The following ATP2B1 variants were observed in gnomAD, a reference collection of about 807,000 sequenced individuals.
ATP2B1 encodes the protein plasma membrane calcium-transporting ATPase 1.
A neutral mutation model predicts 124.2 loss-of-function variants in ATP2B1; 14 were observed. The ratio of observed to expected loss-of-function variants is 0.11; its 90% CI spans 0.07 to 0.18. ATP2B1 has a LOEUF of 0.18. Ranked by LOEUF, ATP2B1 falls within the 10% of genes least tolerant of loss-of-function variation. The probability of loss-of-function intolerance (pLI) is 1.00; values close to 1 mark genes in which losing one functional copy is unlikely to be tolerated. For missense variants in ATP2B1, 763 were observed against 1,466.1 expected (o/e 0.52, Z 7.83); for synonymous variants, 449 against 492.4 (o/e 0.91, Z 1.17).
At chr12:89,654,625 T>C (rs572516719) in intron 2 of ATP2B1, among the ~76,000 whole-genome samples, 1 of 152,290 alleles carries the variant, frequency 6.6e-6, no homozygotes, top group Admixed American at 6.5e-5. Flanking sequence ...CAATTCACAA[T>C]GAATTACATA....
At chr12:89,593,571 A>G (rs974521051) in intron 20 of ATP2B1, 2 of 152,062 alleles carry the variant, frequency 1.3e-5, no homozygotes, top group African/African-American at 2.4e-5. Context: ...TAAACATGTT[A>G]AATTTGGAAA....
chr12:89,651,732 T>G (rs1240131199), intron 2 of ATP2B1, among the ~76,000 whole-genome samples: 1 of 152,226 alleles, frequency 6.6e-6, no homozygotes, highest in Non-Finnish European at 1.5e-5. Context: ...ACAAGCTATG[T>G]GAACTGAACT....
intron 20 of ATP2B1, 85 bp from the exon 21 acceptor site, chr12:89,591,380 C>T: frequency 4.2e-6 from 5 of 1,194,698 alleles, no homozygotes; most frequent in Non-Finnish European, 4.7e-6. Context: ...AATCCACAAA[C>T]AGCTAGGTAT....
intron 6 of ATP2B1, among the ~76,000 whole-genome samples, chr12:89,629,235 G>A (rs1280524247): frequency 1.3e-5 from 2 of 152,156 alleles, no homozygotes; most frequent in Non-Finnish European, 2.9e-5. Context: ...AGAAGAGGGT[G>A]TGACCTGTCA....
chr12:89,685,888 A>G (rs1432941943), intron 1 of ATP2B1, among the ~76,000 whole-genome samples: 2 of 152,118 alleles, frequency 1.3e-5, no homozygotes, highest in African/African-American at 2.4e-5. Context: ...ATATGAGGAC[A>G]CAGCAAGAAG....
intron 3 of ATP2B1, among the ~76,000 whole-genome samples, chr12:89,640,968 C>G (rs1292882712): frequency 1.3e-5 from 2 of 152,140 alleles, no homozygotes; most frequent in African/African-American, 2.4e-5. Context: ...TCTTATACAG[C>G]AATGCAAACA....
At chr12:89,647,505 T>A (rs1439174721) in intron 2 of ATP2B1, among the ~76,000 whole-genome samples, 1 of 152,122 alleles carries the variant, frequency 6.6e-6, no homozygotes, top group Non-Finnish European at 1.5e-5. Flanking sequence ...ATGTCCCAAT[T>A]TAGGAATAAA....
At chr12:89,610,133 C>G in intron 14 of ATP2B1, 90 bp from the exon 15 acceptor site, 11 of 1,165,204 alleles carry the variant, frequency 9.4e-6, no homozygotes, top group Non-Finnish European at 1.3e-5. Context: ...TTTATAGACT[C>G]AAGGTTAAAA....
At chr12:89,622,515 A>T (rs920956449) in intron 9 of ATP2B1, among the ~76,000 whole-genome samples, 1 of 152,110 alleles carries the variant, frequency 6.6e-6, no homozygotes, top group Non-Finnish European at 1.5e-5. Flanking sequence ...ATACCTTATA[A>T]TTAGTTCTCA....
At chr12:89,605,771 G>GGTAT (rs1876715816) in intron 15 of ATP2B1, among the ~76,000 whole-genome samples, 1 of 152,156 alleles carries the variant, frequency 6.6e-6, no homozygotes, top group Non-Finnish European at 1.5e-5. Flanking sequence ...AAAATCCTCA[G>GGTAT]GTATGGAGAC....
chr12:89,598,543 G>A (rs1288930233), intron 20 of ATP2B1: 2 of 1,563,134 alleles, frequency 1.3e-6, no homozygotes, highest in South Asian at 1.2e-5. Flanking sequence ...CGTTAGGTGT[G>A]TGAAGTAGGA....
intron 1 of ATP2B1, among the ~76,000 whole-genome samples, chr12:89,666,570 G>C (rs140188142): frequency 6.6e-6 from 1 of 152,066 alleles, no homozygotes; most frequent in Non-Finnish European, 1.5e-5. Context: ...CTTCTCAATG[G>C]TCAGCGACTC....
rs548760600 is a variant in ATP2B1 at position 89,589,736 on chromosome 12, C to T, written c.*1248G>A. The T allele has an allele frequency of 6.6e-6, 1 of 152,196 alleles. No homozygotes were observed. Among genetic ancestry groups the T allele is most frequent in the East Asian group, 1.9e-4 (1 of 5,188 alleles). The allele number at this position is 152,196 out of a possible 1,614,324, so 9.4% of individuals were successfully genotyped here. On this transcript the variant is annotated 3_prime_UTR_variant, in exon 21 of 21. Transcript: ENST00000428670. ...TCCAATTGTGGTCAAAGAGAACAGA[C>T]TGATGCACTGTATATGCAGAACTGA...
intron 1 of ATP2B1, among the ~76,000 whole-genome samples, chr12:89,696,668 A>C (rs1891172944): frequency 6.6e-6 from 1 of 152,202 alleles, no homozygotes; most frequent in Non-Finnish European, 1.5e-5. Context: ...CTATTTTCCA[A>C]ACATTATATA....
At position 89,655,712 on chromosome 12, in the gene ATP2B1, TTCCATA is replaced by T; in HGVS notation, c.169_174del (p.Tyr57_Gly58del). ...GGAGATGTTTTCAATTTGGTGCAAA[TTCCATA>T]GACATCTCCATAGCTTTCCTGTATT... On this transcript the variant is annotated inframe_deletion, in exon 2 of 21. Coordinates refer to ENST00000428670, the MANE Select transcript of ATP2B1 (RefSeq NM_001366521.1). 6.2e-7 allele frequency: 1 copy of T among 1,614,138 alleles called. No homozygotes were observed. The highest frequency in any genetic ancestry group is 8.5e-7 in the Non-Finnish European group (1 of 1,179,996).
rs1331307042 is a variant in ATP2B1 at position 89,590,085 on chromosome 12, G to A, written c.*899C>T. The A allele has an allele frequency of 2.6e-5, 4 of 152,510 alleles. No homozygotes were observed. The highest frequency in any genetic ancestry group is 5.9e-5 in the Non-Finnish European group (4 of 67,978). The allele number at this position is 152,510 out of a possible 1,614,324, so 9.4% of individuals were successfully genotyped here. ...GCCTGAAATAACAAAAGCATTTCAA[G>A]CATCTTTCATTATGTAGTTGATGTC... On this transcript the variant is annotated 3_prime_UTR_variant, in exon 21 of 21. Coordinates refer to ENST00000428670, the MANE Select transcript of ATP2B1 (RefSeq NM_001366521.1).
chr12:89,691,724 C>T (rs749979142), intron 1 of ATP2B1, among the ~76,000 whole-genome samples: 9 of 152,058 alleles, frequency 5.9e-5, no homozygotes, highest in African/African-American at 2.2e-4. Context: ...GCCATATTTC[C>T]GACTCAAATA....
At chr12:89,616,777 T>C (rs757673372) in intron 12 of ATP2B1, 25 bp downstream of exon 12, 1 of 1,592,566 alleles carries the variant, frequency 6.3e-7, no homozygotes, top group Non-Finnish European at 8.6e-7. Flanking sequence ...ATTCTGCACA[T>C]GCAGAACACA....
intron 5 of ATP2B1, among the ~76,000 whole-genome samples, chr12:89,633,673 A>C (rs1430701731): frequency 6.6e-6 from 1 of 152,052 alleles, no homozygotes; most frequent in Non-Finnish European, 1.5e-5. Flanking sequence ...GTTATGGTTA[A>C]ACTTAGGTTT....
Sources: allele counts gnomAD v4.1 joint callset (sites outside exome capture counted in the v4.1 genomes callset), GRCh38; gene constraint gnomAD v4.1.1; transcripts MANE v1.5; gene names NCBI Gene and HGNC (gene_info 2026-07-23, HGNC 2026-07-21).